The following CADPS2 variants were observed in gnomAD, a reference collection of about 807,000 sequenced individuals.
The protein encoded by CADPS2 is calcium dependent secretion activator 2, also known as calcium-dependent secretion activator 2.
In CADPS2, 93 loss-of-function variants were observed where a neutral mutation model predicts 172.5. The ratio of observed to expected loss-of-function variants is 0.54; its 90% CI spans 0.46 to 0.64. The LOEUF (loss-of-function observed/expected upper bound fraction) is 0.64. Among genes scored for constraint, CADPS2 ranks in the 30% least tolerant of loss-of-function variants. The pLI, the probability that CADPS2 is intolerant of heterozygous loss-of-function variation, is 0.00. For synonymous variants in CADPS2, 546 were observed against 555.2 expected, an observed-to-expected ratio of 0.98 and a Z score of 0.23; for missense variants, 1,420 against 1,565.9, an observed-to-expected ratio of 0.91 and a Z score of 1.57.
intron 2 of CADPS2, among the ~76,000 whole-genome samples, chr7:122,708,491 A>G (rs2088004545): frequency 8.3e-6 from 1 of 121,052 alleles, no homozygotes; most frequent in South Asian, 2.6e-4. Context: ...TATATATTGG[A>G]TATGTAGATC....
chr7:122,859,620 T>TAA (rs1312092731), intron 1 of CADPS2, among the ~76,000 whole-genome samples: 8 of 152,246 alleles, frequency 5.3e-5, no homozygotes, highest in African/African-American at 1.7e-4. Flanking sequence ...TACACTATTA[T>TAA]AGTCATCCTT....
At chr7:122,581,339 T>C (rs969850149) in intron 6 of CADPS2, 49 bp from the exon 7 acceptor site, 5 of 1,469,844 alleles carry the variant, frequency 3.4e-6, no homozygotes, top group African/African-American at 2.8e-5. Context: ...ATTATTTTTT[T>C]CCCCAAGGAG....
chr7:122,410,451 T>C (rs2047168887), intron 19 of CADPS2, among the ~76,000 whole-genome samples: 1 of 151,538 alleles, frequency 6.6e-6, no homozygotes, highest in Admixed American at 6.6e-5. Flanking sequence ...GCCTTTTTTT[T>C]TTTTTTTTGT....
chr7:122,719,393 T>TA (rs1447399747), intron 2 of CADPS2, among the ~76,000 whole-genome samples: 1 of 110,962 alleles, frequency 9.0e-6, no homozygotes, highest in African/African-American at 3.3e-5. Flanking sequence ...ACTATCCCCC[T>TA]ATCCTTCTGT....
chr7:122,750,278 G>A (rs2092897152), intron 1 of CADPS2, among the ~76,000 whole-genome samples: 1 of 151,954 alleles, frequency 6.6e-6, no homozygotes, highest in Admixed American at 6.6e-5. Context: ...TCATTTTTGT[G>A]TAATTATTTC....
At chr7:122,407,976 T>C (rs1444855930) in intron 19 of CADPS2, among the ~76,000 whole-genome samples, 1 of 152,096 alleles carries the variant, frequency 6.6e-6, no homozygotes, top group Non-Finnish European at 1.5e-5. Context: ...ATTTAGAACA[T>C]ATATAAAACA....
chr7:122,807,959 T>C (rs918950291), intron 1 of CADPS2, among the ~76,000 whole-genome samples: 3 of 152,196 alleles, frequency 2.0e-5, no homozygotes, highest in African/African-American at 7.2e-5. Flanking sequence ...GACGTAGATA[T>C]AAAGTTTTCA....
At chr7:122,701,812 T>C (rs778214775) in intron 2 of CADPS2, 2 of 1,476,852 alleles carry the variant, frequency 1.4e-6, no homozygotes, top group Non-Finnish European at 1.9e-6. Context: ...GGTTACATCT[T>C]CAGAAAATTC....
intron 16 of CADPS2, 33 bp from the exon 17 acceptor site, chr7:122,438,497 A>G: frequency 6.2e-7 from 1 of 1,609,660 alleles, no homozygotes; most frequent in South Asian, 1.1e-5. Flanking sequence ...GGTGAGGGGC[A>G]GGGTTGGGGA....
chr7:122,651,825 A>G (rs1406426931), intron 3 of CADPS2, among the ~76,000 whole-genome samples: 1 of 152,220 alleles, frequency 6.6e-6, no homozygotes, highest in Non-Finnish European at 1.5e-5. Flanking sequence ...AGAGACAAAT[A>G]TAGAAGTTAA....
chr7:122,884,347 G>T (rs896886927), intron 1 of CADPS2, among the ~76,000 whole-genome samples: 5 of 152,172 alleles, frequency 3.3e-5, no homozygotes, highest in Non-Finnish European at 7.4e-5. Context: ...GACTCAATTA[G>T]AGCAGCTGAT....
At chr7:122,777,709 T>G (rs1404546403) in intron 1 of CADPS2, among the ~76,000 whole-genome samples, 2 of 152,044 alleles carry the variant, frequency 1.3e-5, no homozygotes, top group African/African-American at 4.8e-5. Flanking sequence ...CCCTCTGCAC[T>G]TCTCCTTGCA....
At chr7:122,381,291 G>T (rs2042972322) in intron 24 of CADPS2, among the ~76,000 whole-genome samples, 2 of 152,094 alleles carry the variant, frequency 1.3e-5, no homozygotes, top group Admixed American at 1.3e-4. Flanking sequence ...GAAATTAAAT[G>T]CCACGTGATA....
intron 2 of CADPS2, among the ~76,000 whole-genome samples, chr7:122,695,450 C>T (rs891271004): frequency 6.6e-6 from 1 of 152,096 alleles, no homozygotes; most frequent in African/African-American, 2.4e-5. Flanking sequence ...TATAGTAGTG[C>T]TATTTCCAAG....
At chr7:122,539,805 ATC>A (rs1489113083) in intron 8 of CADPS2, among the ~76,000 whole-genome samples, 5 of 148,278 alleles carry the variant, frequency 3.4e-5, no homozygotes, top group Non-Finnish European at 4.5e-5. Flanking sequence ...CTCTTTGTCC[ATC>A]TCTGTCTTTC....
intron 1 of CADPS2, among the ~76,000 whole-genome samples, chr7:122,826,214 G>C (rs954333956): frequency 3.3e-5 from 5 of 152,172 alleles, no homozygotes; most frequent in Admixed American, 1.3e-4. Context: ...GAGTGATAAA[G>C]AGCCCCATCC....
chr7:122,683,171 GGAA>G (rs1408845960), intron 2 of CADPS2, among the ~76,000 whole-genome samples: 2 of 152,344 alleles, frequency 1.3e-5, no homozygotes, highest in Middle Eastern at 3.4e-3. Flanking sequence ...GGATGGTGCA[GGAA>G]GAAGGTGATC....
At position 122,469,171 on chromosome 7, in the gene CADPS2, A is replaced by C. The variant is rs143005562; in HGVS notation, c.2186+2204T>G. Among the ~76,000 whole-genome samples, 251 of 152,350 alleles carry C rather than the reference A, an allele frequency of 1.6e-3. 1 individual carries two copies. Among genetic ancestry groups the C allele is most frequent in the Middle Eastern group, 0.01 (3 of 294 alleles). On this transcript the variant is annotated intron_variant, in intron 14 of 29. Transcript: ENST00000449022. ...CAAATCAGGCTGCCTCCCAGGCAGCAGCAGTAGCTCCTTGTTGCCTCAGTA... is the reference window on the plus strand; with the variant it reads ...CAAATCAGGCTGCCTCCCAGGCAGCCGCAGTAGCTCCTTGTTGCCTCAGTA...
chr7:122,513,118 T>C (rs1586760665), intron 9 of CADPS2, 131 bp downstream of exon 9: 1 of 630,428 alleles, frequency 1.6e-6, no homozygotes, highest in East Asian at 2.8e-5. Flanking sequence ...ATGAATGTAC[T>C]GCTTTTATTT....
Sources: gnomAD v4.1 joint callset for allele counts (sites outside exome capture counted in the v4.1 genomes callset) on GRCh38, gnomAD v4.1.1 for gene constraint, MANE v1.5 for transcripts, NCBI Gene and HGNC (gene_info 2026-07-23, HGNC 2026-07-21) for gene names.